The following SHANK2 variants were observed in gnomAD, a reference collection of about 807,000 sequenced individuals.
The protein encoded by SHANK2 is SH3 and multiple ankyrin repeat domains protein 2.
Under a neutral mutation model 133.7 loss-of-function variants are expected in SHANK2, and 43 were observed. The ratio of observed to expected loss-of-function variants is 0.32; its 90% CI spans 0.25 to 0.41. SHANK2 has a LOEUF of 0.41. SHANK2 is among the 10% of genes least tolerant of loss of function. The pLI is 1.00. For missense variants in SHANK2, 1,994 were observed against 2,235.8 expected (o/e 0.89, Z 2.18); for synonymous variants, 1,017 against 952.8 (o/e 1.07, Z -1.24).
At chr11:70,897,252 C>G (rs563900528) in intron 10 of SHANK2, among the ~76,000 whole-genome samples, 1 of 152,300 alleles carries the variant, frequency 6.6e-6, no homozygotes, top group Non-Finnish European at 1.5e-5. Context: ...AGAGACCACA[C>G]GGGCAAGGCA....
chr11:71,161,297 C>T (rs552838687), intron 2 of SHANK2, among the ~76,000 whole-genome samples: 2 of 152,292 alleles, frequency 1.3e-5, no homozygotes, highest in East Asian at 3.9e-4. Context: ...AAGAAAACAA[C>T]GTATTTTTTT....
At chr11:70,909,401 G>A (rs1395329644) in intron 10 of SHANK2, among the ~76,000 whole-genome samples, 1 of 152,150 alleles carries the variant, frequency 6.6e-6, no homozygotes, top group Non-Finnish European at 1.5e-5. Context: ...TTGCTAGGCT[G>A]GCTTTCCTGT....
intron 9 of SHANK2, among the ~76,000 whole-genome samples, chr11:71,060,793 TC>T (rs1325585797): frequency 2.0e-5 from 3 of 152,296 alleles, no homozygotes; most frequent in Middle Eastern, 3.4e-3. Context: ...CCATGGTGTT[TC>T]AAAACAACGT....
chr11:70,842,890 G>A (rs548206257), intron 11 of SHANK2, among the ~76,000 whole-genome samples: 8 of 152,302 alleles, frequency 5.3e-5, no homozygotes, highest in South Asian at 4.1e-4. Context: ...TAACACGGAC[G>A]GTGGAACCTT....
intron 17 of SHANK2, among the ~76,000 whole-genome samples, chr11:70,537,774 G>A (rs2059564297): frequency 6.6e-6 from 1 of 152,252 alleles, no homozygotes; most frequent in South Asian, 2.1e-4. Context: ...AGTCAGCTCT[G>A]CGGAGGGGAC....
chr11:70,572,151 G>A (rs946798696), intron 17 of SHANK2, among the ~76,000 whole-genome samples: 2 of 152,194 alleles, frequency 1.3e-5, no homozygotes, highest in African/African-American at 4.8e-5. Context: ...TCCAGAACTG[G>A]GAGAAAATCA....
At chr11:70,803,181 T>G (rs1377708367) in intron 13 of SHANK2, among the ~76,000 whole-genome samples, 2 of 151,454 alleles carry the variant, frequency 1.3e-5, no homozygotes, top group Non-Finnish European at 2.9e-5. Context: ...ACACTGCTAT[T>G]TAGAAAACTC....
intron 11 of SHANK2, among the ~76,000 whole-genome samples, chr11:70,838,352 TTTCCTTCTC>T (rs1555060619): frequency 1.3e-5 from 2 of 152,246 alleles, no homozygotes; most frequent in East Asian, 3.8e-4. Context: ...CACATTGCAT[TTTCCTTCTC>T]TTCCTAGCTA....
chr11:71,186,197 A>G (rs1555114452), intron 2 of SHANK2, among the ~76,000 whole-genome samples: 2 of 152,230 alleles, frequency 1.3e-5, no homozygotes, highest in Non-Finnish European at 2.9e-5. Flanking sequence ...CAGAAAGCAC[A>G]TGGGAGAACT....
chr11:71,105,738 G>A (rs890267049), intron 6 of SHANK2, among the ~76,000 whole-genome samples: 6 of 151,640 alleles, frequency 4.0e-5, no homozygotes, highest in African/African-American at 1.5e-4. Context: ...AACTGACAAC[G>A]TACAACACCA....
chr11:71,172,106 G>A (rs1953326094), intron 2 of SHANK2, among the ~76,000 whole-genome samples: 1 of 152,158 alleles, frequency 6.6e-6, no homozygotes, highest in African/African-American at 2.4e-5. Context: ...GTGGCACACT[G>A]ACCATGTAAC....
intron 21 of SHANK2, among the ~76,000 whole-genome samples, chr11:70,499,543 G>T (rs1421758234): frequency 1.3e-5 from 2 of 152,246 alleles, no homozygotes; most frequent in Non-Finnish European, 2.9e-5. Flanking sequence ...CCATGGTGGG[G>T]CATCTTCCTC....
chr11:70,950,198 A>G (rs1555086234), intron 10 of SHANK2: 1 of 452,960 alleles, frequency 2.2e-6, no homozygotes, highest in East Asian at 7.0e-5. Context: ...AGCTGGGATT[A>G]CAGGATTTCG....
At chr11:70,941,547 G>A (rs1555084405) in intron 10 of SHANK2, among the ~76,000 whole-genome samples, 2 of 152,218 alleles carry the variant, frequency 1.3e-5, no homozygotes, top group African/African-American at 2.4e-5. Context: ...CAAGGGGATG[G>A]CATTTGGATT....
intron 17 of SHANK2, among the ~76,000 whole-genome samples, chr11:70,595,027 G>T (rs1447058180): frequency 1.3e-5 from 2 of 152,220 alleles, no homozygotes; most frequent in African/African-American, 4.8e-5. Context: ...TTCCTGGCAG[G>T]CTTCACATCT....
intron 25 of SHANK2, among the ~76,000 whole-genome samples, chr11:70,476,162 A>C (rs1396887622): frequency 1.3e-5 from 2 of 152,158 alleles, no homozygotes; most frequent in African/African-American, 4.8e-5. Context: ...CAGGAGGCGG[A>C]GGTTGCAGTG....
intron 13 of SHANK2, among the ~76,000 whole-genome samples, chr11:70,802,106 G>A (rs544973792): frequency 2.4e-4 from 36 of 152,302 alleles, no homozygotes; most frequent in Admixed American, 2.1e-3. Flanking sequence ...CATGAGGACC[G>A]GGAGAGGGGC....
At chr11:70,583,774 G>A (rs1554986054) in intron 17 of SHANK2, among the ~76,000 whole-genome samples, 1 of 152,156 alleles carries the variant, frequency 6.6e-6, no homozygotes, top group African/African-American at 2.4e-5. Flanking sequence ...CCAGTGGCCA[G>A]AACGATCCTC....
At chr11:70,800,498 A>G (rs1378010605) in intron 13 of SHANK2, among the ~76,000 whole-genome samples, 2 of 152,242 alleles carry the variant, frequency 1.3e-5, no homozygotes, top group East Asian at 1.9e-4. Context: ...TTATGGCCCC[A>G]TAAGTGTTTT....
Sources: gnomAD v4.1 joint callset for allele counts (sites outside exome capture counted in the v4.1 genomes callset) on GRCh38, gnomAD v4.1.1 for gene constraint, MANE v1.5 for transcripts, NCBI Gene and HGNC (gene_info 2026-07-23, HGNC 2026-07-21) for gene names.